DMXL2: variants seen among roughly 807,000 people sequenced by gnomAD.
DMXL2 encodes Dmx like 2.
Under a neutral mutation model 331.1 loss-of-function variants are expected in DMXL2, and 103 were observed. The observed-to-expected ratio is 0.31, with a 90% CI of 0.27 to 0.37. The LOEUF (loss-of-function observed/expected upper bound fraction) is 0.37, where lower values mean the gene tolerates loss of function less well. Among genes scored for constraint, DMXL2 ranks in the 10% least tolerant of loss-of-function variants. The pLI is 1.00. For synonymous variants in DMXL2, 1,281 were observed against 1,252.1 expected, an observed-to-expected ratio of 1.02 and a Z score of -0.49; for missense variants, 3,171 against 3,642.9, an observed-to-expected ratio of 0.87 and a Z score of 3.33.
chr15:51,565,926 C>A (rs924015103), intron 3 of DMXL2, among the ~76,000 whole-genome samples: 2 of 152,218 alleles, frequency 1.3e-5, no homozygotes, highest in African/African-American at 4.8e-5. Context: ...CTGACTACCT[C>A]AAGGCAGAAT....
intron 23 of DMXL2, 113 bp downstream of exon 23, chr15:51,485,960 T>G (rs529554398): frequency 8.7e-7 from 1 of 1,149,260 alleles, no homozygotes; most frequent in African/African-American, 1.6e-5. Context: ...TAATAAATTC[T>G]CAAAGTTGAA....
intron 6 of DMXL2, among the ~76,000 whole-genome samples, chr15:51,551,204 G>A (rs1392988952): frequency 2.0e-5 from 3 of 151,770 alleles, no homozygotes; most frequent in Non-Finnish European, 4.4e-5. Context: ...TCAAAAATGT[G>A]AGAAAATAGC....
chr15:51,458,969 A>G, intron 34 of DMXL2, 174 bp from the exon 35 acceptor site: 1 of 599,850 alleles, frequency 1.7e-6, no homozygotes, highest in Non-Finnish European at 2.9e-6. Flanking sequence ...AGCTTTGGAA[A>G]ATTTGCTTAA....
chr15:51,465,497 T>C, intron 31 of DMXL2, 69 bp downstream of exon 31: 1 of 1,159,106 alleles, frequency 8.6e-7, no homozygotes, highest in Non-Finnish European at 1.3e-6. Flanking sequence ...TATATATAGA[T>C]TTTGTAAAGA....
chr15:51,452,833 G>A (rs1353357330), intron 41 of DMXL2, among the ~76,000 whole-genome samples: 2 of 152,094 alleles, frequency 1.3e-5, no homozygotes, highest in Non-Finnish European at 2.9e-5. Flanking sequence ...CAAAACTATG[G>A]AACCAACCTA....
chr15:51,452,756 G>A (rs974757044), intron 41 of DMXL2, among the ~76,000 whole-genome samples: 5 of 152,154 alleles, frequency 3.3e-5, no homozygotes, highest in African/African-American at 1.2e-4. Context: ...CTACCCAGAG[G>A]AAAAGAAGTC....
rs910460840 is a variant in DMXL2, at chr15:51,464,714, C to T, written c.7769G>A (p.Arg2590Gln). 6.2e-6 allele frequency: 10 copies of T among 1,613,932 alleles called. No homozygotes were observed. In the African/African-American group the frequency reaches 6.7e-5, roughly 11 times the overall value. The change falls in exon 32 of 44, where the codon CGA becomes CAA. Residue 2590 changes from arginine (R) to glutamine (Q), a missense_variant. Physicochemically the swap from Arg to Gln is conservative, Grantham distance 43. Transcript: ENST00000560891. ...LSVGAGPAIL[R>Q]NKAMLEPENT... ...TTCAGGTTCTAGCATTGCTTTATTT[C>T]GAAGAATAGCTGGTCCAGCTCCCAC...
chr15:51,622,654 C>A lies in DMXL2; in HGVS notation c.-109G>T. ...CCTCTGTGCCTCCCTCGGAAACCCG[C>A]CCCGCGGAGGCTCTGGCTTAACTCC... is the stretch of plus-strand genomic sequence containing the variant. On this transcript the variant is annotated 5_prime_UTR_variant, in exon 1 of 44. Transcript: ENST00000560891. 2 of 1,450,118 alleles carry A rather than the reference C, an allele frequency of 1.4e-6. No individual in the cohort carries two copies. Among genetic ancestry groups the A allele is most frequent in the East Asian group, 5.4e-5 (2 of 36,838 alleles). 89.8% of individuals were successfully genotyped at this position (1,450,118 alleles called of 1,614,324 possible).
chr15:51,531,280 G>A (rs1044345450), intron 13 of DMXL2, among the ~76,000 whole-genome samples: 3 of 152,108 alleles, frequency 2.0e-5, no homozygotes, highest in Non-Finnish European at 2.9e-5. Context: ...ATACAATGGA[G>A]AAAAGACAGT....
At chr15:51,585,275 T>C (rs1483513440) in intron 1 of DMXL2, among the ~76,000 whole-genome samples, 1 of 131,718 alleles carries the variant, frequency 7.6e-6, no homozygotes. Context: ...TTGTCATAGA[T>C]AGCTCTTATT....
At chr15:51,456,778 A>AT (rs2039659025) in intron 37 of DMXL2, among the ~76,000 whole-genome samples, 4 of 152,204 alleles carry the variant, frequency 2.6e-5, no homozygotes, top group Admixed American at 1.3e-4. Context: ...TTGCTTTACC[A>AT]TTTTGTATCT....
chr15:51,617,082 T>C (rs1162317696), intron 1 of DMXL2, among the ~76,000 whole-genome samples: 3 of 152,196 alleles, frequency 2.0e-5, no homozygotes, highest in African/African-American at 7.2e-5. Flanking sequence ...CTTGTTTTTC[T>C]ACTGTGCCAT....
At chr15:51,517,474 C>G (rs908654287) in intron 13 of DMXL2, among the ~76,000 whole-genome samples, 3 of 152,206 alleles carry the variant, frequency 2.0e-5, no homozygotes, top group African/African-American at 7.2e-5. Flanking sequence ...CCTGAGTGGT[C>G]TGCAGATGTG....
chr15:51,499,680 T>C lies in DMXL2; in HGVS notation c.3544A>G (p.Ile1182Val). The change falls in exon 18 of 44, where the codon ATT becomes GTT. Residue 1182 changes from isoleucine to valine, a missense_variant. Coordinates refer to ENST00000560891, the MANE Select transcript of DMXL2 (RefSeq NM_001378457.1). ...DWVSKEDGSH[I>V]LTVGVGANIF... The stretch of plus-strand genomic sequence containing the variant: ...TTCGCACCGACTCCCACTGTAAGAA[T>C]GTGGGAGCCATCTTCTTTTGATACC... The C allele has an allele frequency of 6.2e-7, 1 of 1,614,018 alleles. No individual in the cohort carries two copies. The highest frequency in any genetic ancestry group is 8.5e-7 in the Non-Finnish European group (1 of 1,179,942).
intron 3 of DMXL2, among the ~76,000 whole-genome samples, chr15:51,565,564 C>T (rs893732516): frequency 6.6e-6 from 1 of 152,192 alleles, no homozygotes; most frequent in Admixed American, 6.5e-5. Context: ...ACCACTTTTA[C>T]ATTCTGCCAT....
At chr15:51,475,334 A>G (rs55895971) in intron 27 of DMXL2, among the ~76,000 whole-genome samples, 278 of 152,224 alleles carry the variant, frequency 1.8e-3, no homozygotes, top group African/African-American at 6.6e-3. Flanking sequence ...TTTACTAAAA[A>G]TACAAAATAA....
intron 1 of DMXL2, among the ~76,000 whole-genome samples, chr15:51,585,391 T>G (rs2051730633): frequency 2.0e-5 from 3 of 151,976 alleles, no homozygotes; most frequent in Admixed American, 1.3e-4. Context: ...GATAATCATG[T>G]GGTTTTTGTC....
chr15:51,532,935 C>T (rs953188156), intron 13 of DMXL2, among the ~76,000 whole-genome samples: 2 of 152,116 alleles, frequency 1.3e-5, no homozygotes, highest in South Asian at 2.1e-4. Flanking sequence ...CAAAAACACT[C>T]CTACACCTAA....
chr15:51,543,984 C>T (rs976024793), intron 8 of DMXL2, among the ~76,000 whole-genome samples: 17 of 152,198 alleles, frequency 1.1e-4, no homozygotes, highest in African/African-American at 4.1e-4. Context: ...TAAGTGATCA[C>T]AAATATCTAC....
Sources: gnomAD v4.1 joint callset for allele counts (sites outside exome capture counted in the v4.1 genomes callset) on GRCh38, gnomAD v4.1.1 for gene constraint, MANE v1.5 for transcripts, NCBI Gene and HGNC (gene_info 2026-07-23, HGNC 2026-07-21) for gene names.